Variants in CDH26 observed in about 807,000 individuals in gnomAD.
CDH26 encodes cadherin 26.
A neutral mutation model predicts 90.3 loss-of-function variants in CDH26; 83 were observed. That is an observed-to-expected ratio of 0.92 (90% CI 0.77 to 1.10). The LOEUF is 1.10. Ranked by LOEUF, CDH26 falls within the 50% of genes least tolerant of loss-of-function variation. CDH26 has a pLI of 0.00. For synonymous variants in CDH26, 397 were observed against 396.3 expected (o/e 1.00, Z -0.02); for missense variants, 1,013 against 1,037.6 (o/e 0.98, Z 0.33).
At chr20:59,989,670 T>C (rs1445454067) in intron 9 of CDH26, among the ~76,000 whole-genome samples, 1 of 152,122 alleles carries the variant, frequency 6.6e-6, no homozygotes, top group East Asian at 1.9e-4. Context: ...CTTCTATCCA[T>C]AGGTTTTTCT....
chr20:60,012,177 G>A (rs1352423426), intron 17 of CDH26, among the ~76,000 whole-genome samples: 8 of 152,078 alleles, frequency 5.3e-5, no homozygotes, highest in African/African-American at 1.2e-4. Context: ...AACGAGGGCC[G>A]GGGGGTCATG....
exon 9 of CDH26, chr20:60,033,985 T>A (rs2062064895): frequency 5.0e-6 from 1 of 198,672 alleles, no homozygotes; most frequent in Non-Finnish European, 9.8e-6. Context: ...CTTCCTTTAA[T>A]GCATTAAAAA....
chr20:59,996,453 T>G, intron 12 of CDH26, 178 bp from the exon 13 acceptor site: 2 of 1,601,624 alleles, frequency 1.2e-6, no homozygotes. Context: ...CAAACAGTTA[T>G]GTAGCATCTA....
chr20:60,025,854 C>T (rs558415129), intron 7 of CDH26, among the ~76,000 whole-genome samples: 1 of 152,324 alleles, frequency 6.6e-6, no homozygotes, highest in East Asian at 1.9e-4. Flanking sequence ...TATCAAAACA[C>T]CCTTAAACCA....
intron 1 of CDH26, among the ~76,000 whole-genome samples, chr20:59,964,577 A>C (rs1453485957): frequency 1.3e-5 from 2 of 152,234 alleles, no homozygotes; most frequent in Non-Finnish European, 2.9e-5. Context: ...CATTACAGAA[A>C]ATATAACAAT....
downstream of CDH26, among the ~76,000 whole-genome samples, chr20:60,035,921 T>C (rs985962578): frequency 6.6e-6 from 1 of 151,954 alleles, no homozygotes; most frequent in African/African-American, 2.4e-5. Context: ...TAAACCTCTT[T>C]TGTTTATAAA....
At chr20:59,964,473 A>G (rs1267717328) in intron 1 of CDH26, among the ~76,000 whole-genome samples, 1 of 146,598 alleles carries the variant, frequency 6.8e-6, no homozygotes, top group Non-Finnish European at 1.5e-5. Context: ...CGCATTATAG[A>G]AAGCATTATG....
rs762413350 is a variant in CDH26 at position 59,995,942 on chromosome 20, A to G, written c.1776A>G (p.Val592=). ...QGLSQKQTVH[V]RICPCASGLT... ...TTTCCCAGAAGCAAACTGTCCATGT[A>G]AGGATCTGCCCCTGTGCCAGTGGGC... Residue 592 remains valine (V), a synonymous_variant, in exon 12 of 18, where the codon GTA becomes GTG. Coordinates refer to ENST00000348616, the MANE Select transcript of CDH26 (RefSeq NM_177980.4). The G allele has an allele frequency of 2.5e-6, 4 of 1,614,242 alleles. No individual in the cohort carries two copies. The highest frequency in any genetic ancestry group is 1.6e-4 in the Middle Eastern group (1 of 6,062).
chr20:60,003,731 T>C lies in CDH26; in HGVS notation c.2220+865T>C, dbSNP rs191799352. ...TGTTATTGAAATAATTTGTAAATAA[T>C]GAAAATAAATTTCAAATACTCTAGC... On this transcript the variant is annotated intron_variant, in intron 16 of 17. Transcript: ENST00000348616. 2.2e-3 allele frequency among the ~76,000 whole-genome samples: 336 copies of C among 152,342 alleles called. 2 individuals are homozygous for C. Among genetic ancestry groups the C allele is most frequent in the Middle Eastern group, 3.4e-3 (1 of 294 alleles).
At chr20:59,987,361 C>G in intron 7 of CDH26, 92 bp from the exon 8 acceptor site, 1 of 1,017,442 alleles carries the variant, frequency 9.8e-7, no homozygotes, top group Non-Finnish European at 1.4e-6. Flanking sequence ...CTCTCTTGCT[C>G]TCTCTCTGCT....
intron 7 of CDH26, among the ~76,000 whole-genome samples, chr20:60,021,867 C>CAT (rs2061956298): frequency 1.1e-5 from 1 of 90,406 alleles, no homozygotes; most frequent in Non-Finnish European, 2.5e-5. Context: ...CACACACACA[C>CAT]ACACACACAC....
intron 8 of CDH26, 121 bp from the exon 9 acceptor site, chr20:59,988,783 G>A (rs1029270475): frequency 2.8e-5 from 28 of 1,013,820 alleles, no homozygotes; most frequent in African/African-American, 2.1e-4. Flanking sequence ...CAAAGACAAC[G>A]TAAATAATAA....
intron 13 of CDH26, among the ~76,000 whole-genome samples, chr20:59,997,118 C>T (rs2061608181): frequency 6.6e-6 from 1 of 152,226 alleles, no homozygotes; most frequent in Non-Finnish European, 1.5e-5. Flanking sequence ...AGAGAATTAT[C>T]TGCCCCAGTT....
intron 17 of CDH26, among the ~76,000 whole-genome samples, chr20:60,007,534 C>A (rs973247757): frequency 6.6e-6 from 1 of 152,184 alleles, no homozygotes; most frequent in African/African-American, 2.4e-5. Flanking sequence ...AACCCACTTT[C>A]AATTACATGC....
intron 13 of CDH26, 112 bp from the exon 14 acceptor site, chr20:59,999,474 G>T: frequency 1.2e-6 from 1 of 822,198 alleles, no homozygotes; most frequent in South Asian, 1.6e-5. Flanking sequence ...CTTCTTCTGT[G>T]ATGGCATAGA....
At chr20:60,023,982 A>G (rs1235263962) in intron 7 of CDH26, among the ~76,000 whole-genome samples, 1 of 147,774 alleles carries the variant, frequency 6.8e-6, no homozygotes, top group Admixed American at 6.7e-5. Context: ...AGAGAGAGAG[A>G]GAGAGAAATA....
At chr20:60,034,015 C>G (rs142405083), downstream of CDH26, 1,429 of 177,242 alleles carry the variant, frequency 8.1e-3, 20 homozygotes, top group African/African-American at 0.032. Flanking sequence ...CATGTTCAAC[C>G]CATGATATCA....
chr20:59,969,891 GT>G (rs2061232354), intron 2 of CDH26, among the ~76,000 whole-genome samples, 190 bp from the exon 3 acceptor site: 1 of 152,186 alleles, frequency 6.6e-6, no homozygotes, highest in African/African-American at 2.4e-5. Flanking sequence ...CCACCCCGTG[GT>G]TAGAGATGAC....
At chr20:60,016,437 GCTA>G (rs1185936008), downstream of CDH26, among the ~76,000 whole-genome samples, 1 of 152,088 alleles carries the variant, frequency 6.6e-6, no homozygotes, top group Non-Finnish European at 1.5e-5. Context: ...GTATAGAAAT[GCTA>G]CTGATTTATG....
Sources: gnomAD v4.1 joint callset for allele counts (sites outside exome capture counted in the v4.1 genomes callset) on GRCh38, gnomAD v4.1.1 for gene constraint, MANE v1.5 for transcripts, NCBI Gene and HGNC (gene_info 2026-07-23, HGNC 2026-07-21) for gene names.